The following CAMK1D variants were observed in gnomAD, a reference collection of about 807,000 sequenced individuals.
CAMK1D encodes the protein calcium/calmodulin-dependent protein kinase type 1D.
A neutral mutation model predicts 47.7 loss-of-function variants in CAMK1D; 9 were observed. The ratio of observed to expected loss-of-function variants is 0.19; its 90% CI spans 0.11 to 0.33. The LOEUF (loss-of-function observed/expected upper bound fraction) is 0.33, where lower values mean the gene tolerates loss of function less well. Among genes scored for constraint, CAMK1D ranks in the 10% least tolerant of loss-of-function variants. The probability of loss-of-function intolerance (pLI) is 1.00; values close to 1 mark genes in which losing one functional copy is unlikely to be tolerated. For missense variants in CAMK1D, 291 were observed against 488.7 expected (o/e 0.60, Z 3.81); for synonymous variants, 184 against 184.9 (o/e 0.99, Z 0.04).
chr10:12,495,812 T>C (rs1389918745), intron 1 of CAMK1D, among the ~76,000 whole-genome samples: 3 of 152,166 alleles, frequency 2.0e-5, no homozygotes, highest in Non-Finnish European at 4.4e-5. Context: ...TTTCCTCAAA[T>C]ATTCCTTTAT....
chr10:12,535,220 C>T (rs1053130591), intron 1 of CAMK1D, among the ~76,000 whole-genome samples: 9 of 152,166 alleles, frequency 5.9e-5, no homozygotes, highest in African/African-American at 1.4e-4. Flanking sequence ...CACATCTGTG[C>T]GCAGCCAGGC....
In CAMK1D at chr10:12,777,926, G is replaced by A. The variant is rs779065350; in HGVS notation, c.565+8127G>A. ...CCCAGCCCCATTTGGCAGCTGCGAG[G>A]GAGGAGGGAGAGAGAGCTGCCACTT... On this transcript the variant is annotated intron_variant, in intron 5 of 10. Coordinates refer to ENST00000619168, the MANE Select transcript of CAMK1D (RefSeq NM_153498.4). Among the ~76,000 whole-genome samples, 117 of 152,326 alleles carry A rather than the reference G, an allele frequency of 7.7e-4. 2 individuals carry two copies. Among genetic ancestry groups the A allele is most frequent in the Non-Finnish European group, 5.3e-4 (36 of 68,026 alleles).
At chr10:12,731,109 C>A (rs1834862611) in intron 3 of CAMK1D, among the ~76,000 whole-genome samples, 1 of 151,986 alleles carries the variant, frequency 6.6e-6, no homozygotes, top group Non-Finnish European at 1.5e-5. Context: ...TATTTGTGTT[C>A]CAATTAAAGT....
rs202125291 is a variant in CAMK1D at position 12,626,478 on chromosome 10, T to TC, written c.225-40258_225-40257insC. On this transcript the variant is annotated intron_variant, in intron 2 of 10. Coordinates refer to ENST00000619168, the MANE Select transcript of CAMK1D (RefSeq NM_153498.4). ...TATTCACCAATTTTCTTTCTTTCTT[T>TC]TTTTTTTTTTTTTGAGATGGAGTCT... Among the ~76,000 whole-genome samples, 500 of 149,346 alleles carry TC rather than the reference T, an allele frequency of 3.3e-3. 5 individuals are homozygous for TC. In the East Asian group the frequency reaches 0.039, roughly 12 times the overall value.
At chr10:12,350,217 G>C (rs1416893544) in intron 1 of CAMK1D, among the ~76,000 whole-genome samples, 4 of 152,196 alleles carry the variant, frequency 2.6e-5, no homozygotes, top group Non-Finnish European at 4.4e-5. Context: ...CTCCCCACGC[G>C]TGACTGTGGG....
At chr10:12,718,113 A>G (rs1367942601) in intron 3 of CAMK1D, among the ~76,000 whole-genome samples, 1 of 151,964 alleles carries the variant, frequency 6.6e-6, no homozygotes, top group Non-Finnish European at 1.5e-5. Flanking sequence ...ACCCCTTACA[A>G]AGTAAGGGCA....
chr10:12,722,243 A>G (rs1834415956), intron 3 of CAMK1D, among the ~76,000 whole-genome samples: 1 of 152,014 alleles, frequency 6.6e-6, no homozygotes. Flanking sequence ...GGAGATCGAG[A>G]CCATCCCGGG....
chr10:12,622,438 G>A (rs1279937557), intron 2 of CAMK1D, among the ~76,000 whole-genome samples: 1 of 148,820 alleles, frequency 6.7e-6, no homozygotes, highest in Non-Finnish European at 1.5e-5. Context: ...GTAAACTCAG[G>A]GGTCTCAGTG....
chr10:12,677,838 G>T (rs1039732067), intron 3 of CAMK1D, among the ~76,000 whole-genome samples: 2 of 152,118 alleles, frequency 1.3e-5, no homozygotes, highest in African/African-American at 4.8e-5. Flanking sequence ...GTCTGGCTGG[G>T]GTCAGTGGTA....
intron 3 of CAMK1D, among the ~76,000 whole-genome samples, chr10:12,709,027 G>A (rs1833833717): frequency 6.6e-6 from 1 of 152,222 alleles, no homozygotes; most frequent in Admixed American, 6.5e-5. Context: ...CTGTGGCATG[G>A]GAGTGGGGGG....
At chr10:12,735,526 A>C (rs1283356520) in intron 3 of CAMK1D, among the ~76,000 whole-genome samples, 1 of 152,202 alleles carries the variant, frequency 6.6e-6, no homozygotes, top group African/African-American at 2.4e-5. Context: ...GGGAGCAAGA[A>C]GCGGAGGGGC....
chr10:12,413,779 A>G (rs1025204153), intron 1 of CAMK1D, among the ~76,000 whole-genome samples: 2 of 151,320 alleles, frequency 1.3e-5, no homozygotes, highest in African/African-American at 4.9e-5. Context: ...TGTTTGTTTG[A>G]AAAAAAAAGT....
At chr10:12,615,511 T>C (rs1456064763) in intron 2 of CAMK1D, among the ~76,000 whole-genome samples, 1 of 150,360 alleles carries the variant, frequency 6.7e-6, no homozygotes, top group Admixed American at 6.6e-5. Flanking sequence ...TGTATAGTTA[T>C]GTGTGTGTAT....
chr10:12,594,607 T>C (rs1838090217), intron 2 of CAMK1D, among the ~76,000 whole-genome samples: 1 of 152,214 alleles, frequency 6.6e-6, no homozygotes. Flanking sequence ...CTGTAAACTT[T>C]CAGGGAGTCA....
At chr10:12,452,151 G>C (rs1475633773) in intron 1 of CAMK1D, among the ~76,000 whole-genome samples, 1 of 152,178 alleles carries the variant, frequency 6.6e-6, no homozygotes, top group Non-Finnish European at 1.5e-5. Context: ...GGTGTGTTCT[G>C]AGAGCAGCGT....
At chr10:12,425,657 G>C (rs1311390876) in intron 1 of CAMK1D, among the ~76,000 whole-genome samples, 1 of 152,148 alleles carries the variant, frequency 6.6e-6, no homozygotes, top group Non-Finnish European at 1.5e-5. Context: ...GATCCGAATT[G>C]CTTATTTATC....
At chr10:12,405,681 G>A (rs1167475679) in intron 1 of CAMK1D, among the ~76,000 whole-genome samples, 2 of 152,236 alleles carry the variant, frequency 1.3e-5, no homozygotes, top group South Asian at 2.1e-4. Flanking sequence ...GGGTTAGACC[G>A]AAGTTGGCTG....
chr10:12,556,443 C>T (rs184041582), intron 2 of CAMK1D, among the ~76,000 whole-genome samples: 7 of 152,142 alleles, frequency 4.6e-5, no homozygotes, highest in Middle Eastern at 3.4e-3. Flanking sequence ...GCCAGGGCCT[C>T]AAGGGTAGGG....
intron 1 of CAMK1D, among the ~76,000 whole-genome samples, chr10:12,456,295 T>C (rs1407988888): frequency 6.6e-6 from 1 of 152,210 alleles, no homozygotes; most frequent in Non-Finnish European, 1.5e-5. Flanking sequence ...AATGCTCTTA[T>C]AAAAATTTAA....
Sources: gnomAD v4.1 joint callset for allele counts (sites outside exome capture counted in the v4.1 genomes callset) on GRCh38, gnomAD v4.1.1 for gene constraint, MANE v1.5 for transcripts, NCBI Gene and HGNC (gene_info 2026-07-23, HGNC 2026-07-21) for gene names.